Variants in SPG11 observed in about 807,000 individuals in gnomAD.
SPG11 encodes the protein SPG11 vesicle trafficking associated, spatacsin, also known as spatacsin.
In SPG11, 222 loss-of-function variants were observed where a neutral mutation model predicts 274.0. The ratio of observed to expected loss-of-function variants is 0.81; its 90% confidence interval spans 0.73 to 0.91. The LOEUF (loss-of-function observed/expected upper bound fraction) is 0.91. Ranked by LOEUF, SPG11 falls within the 40% of genes least tolerant of loss-of-function variation. The pLI, the probability that SPG11 is intolerant of heterozygous loss-of-function variation, is 0.00. For synonymous variants in SPG11, 1,144 were observed against 1,039.7 expected (o/e 1.10, Z -1.93); for missense variants, 3,114 against 2,872.7 (o/e 1.08, Z -1.92).
chr15:44,636,523 G>C (rs892972255), intron 7 of SPG11, among the ~76,000 whole-genome samples: 4 of 151,906 alleles, frequency 2.6e-5, no homozygotes, highest in African/African-American at 9.7e-5. Context: ...TTAGCCGGGC[G>C]TGGTGGCGGG....
chr15:44,598,515 A>G, intron 22 of SPG11, 116 bp downstream of exon 22: 3 of 1,286,374 alleles, frequency 2.3e-6, no homozygotes, highest in Non-Finnish European at 3.4e-6. Flanking sequence ...CACACTCTGC[A>G]GGAAAAGGAT....
chr15:44,598,460 T>C (rs1446672779), intron 22 of SPG11, 87 bp from the exon 23 acceptor site: 1 of 1,340,958 alleles, frequency 7.5e-7, no homozygotes, highest in Non-Finnish European at 1.1e-6. Context: ...CTCAGGGCCA[T>C]TTCAGAACCC....
Position 44,572,690 on chromosome 15 carries a change from C to T in SPG11, c.6336G>A (p.Leu2112=). Residue 2112 remains leucine (L), a synonymous_variant, in exon 33 of 40, where the codon CTG becomes CTA. Transcript: ENST00000261866. ...AAAAGGTCAATAACTTACTGCAAGA[C>T]AGTTCCCCATGGGGAACGGAGGAAA... ...DKISSVPHGE[L]SCTTELLILA... is the part of the protein sequence containing the mutation. 3 of 1,614,182 alleles carry T rather than the reference C, an allele frequency of 1.9e-6. No homozygotes were observed. In the South Asian group the frequency reaches 3.3e-5, roughly 18 times the overall value.
chr15:44,600,370 G>GA, intron 21 of SPG11, 97 bp downstream of exon 21: 1 of 1,373,454 alleles, frequency 7.3e-7, no homozygotes. Flanking sequence ...CTGCTTCCTT[G>GA]AACTCCTGGG....
intron 7 of SPG11, among the ~76,000 whole-genome samples, chr15:44,643,937 G>A (rs552049190): frequency 1.3e-5 from 2 of 152,196 alleles, no homozygotes; most frequent in Admixed American, 1.3e-4. Flanking sequence ...GCTGAGGCAG[G>A]CCGATCAAGA....
intron 7 of SPG11, among the ~76,000 whole-genome samples, chr15:44,637,416 G>A (rs1394562134): frequency 6.6e-6 from 1 of 152,140 alleles, no homozygotes; most frequent in Non-Finnish European, 1.5e-5. Flanking sequence ...GGGTTCAAAC[G>A]ATTCTCCTAC....
intron 9 of SPG11, 145 bp from the exon 10 acceptor site, chr15:44,628,989 A>G: frequency 1.1e-6 from 1 of 913,022 alleles, no homozygotes; most frequent in African/African-American, 1.6e-5. Context: ...TCCTTTTTAC[A>G]AGTAAGTAGC....
chr15:44,618,324 T>C (rs991070553), intron 15 of SPG11, among the ~76,000 whole-genome samples: 4 of 149,366 alleles, frequency 2.7e-5, no homozygotes, highest in East Asian at 2.0e-4. Context: ...CTGGCTAACA[T>C]GGTGAAACCT....
chr15:44,651,857 G>A lies in SPG11; in HGVS notation c.1090C>T (p.Gln364Ter), dbSNP rs2141107140. The A allele has an allele frequency of 5.0e-6, 8 of 1,613,788 alleles. No individual in the cohort carries two copies. The highest frequency in any genetic ancestry group is 6.8e-6 in the Non-Finnish European group (8 of 1,179,840). Reference protein sequence around the residue: ...LEVSCCAPWFQDILHLESPES... With the variant: ...LEVSCCAPWF ...GGTGACTCCAAATGCAAAATATCCT[G>A]GAACCATGGAGCACAACAGGAAACC... The change falls in exon 6 of 40, where the codon CAG becomes TAG. Residue 364 changes from glutamine to a stop codon, truncating the protein, a stop_gained. Transcript: ENST00000261866. LOFTEE classifies it high-confidence loss of function.
chr15:44,647,829 G>A (rs1294387888), intron 7 of SPG11, among the ~76,000 whole-genome samples: 1 of 152,178 alleles, frequency 6.6e-6, no homozygotes, highest in African/African-American at 2.4e-5. Context: ...AGAATTAGTG[G>A]TGATGGCTGC....
chr15:44,632,821 C>T (rs569888864), intron 8 of SPG11, among the ~76,000 whole-genome samples: 24 of 152,238 alleles, frequency 1.6e-4, no homozygotes, highest in Non-Finnish European at 8.8e-5. Flanking sequence ...ATTCTTATAA[C>T]AAATCCTAAT....
chr15:44,655,446 T>A (rs1159213474), intron 4 of SPG11, among the ~76,000 whole-genome samples: 1 of 152,168 alleles, frequency 6.6e-6, no homozygotes, highest in Non-Finnish European at 1.5e-5. Context: ...TTGCCTGACA[T>A]GTACCATGGG....
At chr15:44,657,415 G>T in intron 3 of SPG11, 119 bp from the exon 4 acceptor site, 1 of 899,578 alleles carries the variant, frequency 1.1e-6, no homozygotes, top group Non-Finnish European at 1.7e-6. Flanking sequence ...AACAGAAGAA[G>T]ACTGAAAACT....
rs369653096 is a variant in SPG11, at chr15:44,563,096, A to C, written c.*25T>G. ...TCTGTCAGAATCTGCTAACAGTACAAGAAAACAGACACCTATGAAATCATC... is the reference window on the plus strand; with the variant it reads ...TCTGTCAGAATCTGCTAACAGTACACGAAAACAGACACCTATGAAATCATC... On this transcript the variant is annotated 3_prime_UTR_variant, in exon 40 of 40. Transcript: ENST00000261866. 37 of 1,611,884 alleles carry C rather than the reference A, an allele frequency of 2.3e-5. No individual in the cohort carries two copies. Among genetic ancestry groups the C allele is most frequent in the Non-Finnish European group, 3.1e-5 (36 of 1,178,362 alleles).
At chr15:44,616,934 A>C (rs923320252) in intron 15 of SPG11, among the ~76,000 whole-genome samples, 9 of 152,208 alleles carry the variant, frequency 5.9e-5, no homozygotes, top group African/African-American at 2.2e-4. Context: ...TAAATGAGGA[A>C]GAGCATCTTT....
chr15:44,613,992 C>T (rs1217845804), intron 16 of SPG11, among the ~76,000 whole-genome samples: 1 of 152,050 alleles, frequency 6.6e-6, no homozygotes, highest in Non-Finnish European at 1.5e-5. Context: ...TGCAATGAAC[C>T]ATGATTGTGC....
At chr15:44,639,289 A>G (rs1290614303) in intron 7 of SPG11, among the ~76,000 whole-genome samples, 1 of 151,686 alleles carries the variant, frequency 6.6e-6, no homozygotes, top group Non-Finnish European at 1.5e-5. Context: ...ACACACACAC[A>G]CACACACACA....
intron 21 of SPG11, 123 bp from the exon 22 acceptor site, chr15:44,598,959 C>T: frequency 1.0e-6 from 1 of 993,958 alleles, no homozygotes; most frequent in South Asian, 1.4e-5. Context: ...CCTCCTCTCC[C>T]TTACCTTTTG....
In SPG11 at chr15:44,659,170, T is replaced by G. The variant is rs2141126286; in HGVS notation, c.576A>C (p.Thr192=). 1 of 1,614,230 alleles carries G rather than the reference T, an allele frequency of 6.2e-7. No individual in the cohort carries two copies. The stretch of plus-strand genomic sequence containing the variant: ...CCACTGCCTGTGCAGGCAAGGGAAG[T>G]GTGAAACAGTTGAGTACTCTAATTG... ...DAAIRVLNCF[T]LPLPAQAVDM... The change falls in exon 3 of 40, where the codon ACA becomes ACC. Residue 192 remains threonine (T), a synonymous_variant. Coordinates refer to ENST00000261866, the MANE Select transcript of SPG11 (RefSeq NM_025137.4).
Sources: allele counts gnomAD v4.1 joint callset (sites outside exome capture counted in the v4.1 genomes callset), GRCh38; gene constraint gnomAD v4.1.1; transcripts MANE v1.5; gene names NCBI Gene and HGNC (gene_info 2026-07-23, HGNC 2026-07-21).